CTNNA3: variants seen among roughly 807,000 people sequenced by gnomAD.
CTNNA3 encodes the protein catenin alpha 3, also known as catenin alpha-3.
In CTNNA3, 76 loss-of-function variants were observed where a neutral mutation model predicts 95.7. The observed-to-expected ratio is 0.79, with a 90% CI of 0.66 to 0.96. CTNNA3 has a LOEUF of 0.96. CTNNA3 is among the 40% of genes least tolerant of loss of function. The probability of loss-of-function intolerance (pLI) is 0.00; values close to 1 mark genes in which losing one functional copy is unlikely to be tolerated. For synonymous variants in CTNNA3, 431 were observed against 374.4 expected (o/e 1.15, Z -1.74); for missense variants, 1,191 against 1,089.8 (o/e 1.09, Z -1.31).
chr10:67,213,088 T>G (rs947169467), intron 6 of CTNNA3, among the ~76,000 whole-genome samples: 6 of 151,896 alleles, frequency 4.0e-5, no homozygotes, highest in African/African-American at 1.2e-4. Context: ...TTGCTTTCAG[T>G]AAAAACTGTT....
chr10:65,991,567 G>C (rs564254774), intron 15 of CTNNA3, among the ~76,000 whole-genome samples: 1 of 151,774 alleles, frequency 6.6e-6, no homozygotes, highest in Non-Finnish European at 1.5e-5. Flanking sequence ...TTTCAGACTG[G>C]TGTATAAAAT....
At chr10:66,832,208 T>C (rs1264633916) in intron 7 of CTNNA3, among the ~76,000 whole-genome samples, 8 of 152,248 alleles carry the variant, frequency 5.3e-5, no homozygotes, top group Non-Finnish European at 1.0e-4. Context: ...TCTATAGTTT[T>C]GATGATAAAT....
At chr10:66,971,426 C>CA (rs35802902) in intron 7 of CTNNA3, among the ~76,000 whole-genome samples, 9 of 150,656 alleles carry the variant, frequency 6.0e-5, no homozygotes, top group South Asian at 2.1e-4. Flanking sequence ...GACTCCGTCT[C>CA]AAAAAAAAAA....
At chr10:66,114,382 GTGTGTATATATGTATA>G (rs1383018257) in intron 13 of CTNNA3, among the ~76,000 whole-genome samples, 3 of 151,236 alleles carry the variant, frequency 2.0e-5, no homozygotes, top group East Asian at 1.9e-4. Context: ...GTGTATATAT[GTGTGTATATATGTATA>G]TGTGTATATA....
At chr10:66,404,926 C>A (rs1236659713) in intron 11 of CTNNA3, among the ~76,000 whole-genome samples, 1 of 152,046 alleles carries the variant, frequency 6.6e-6, no homozygotes, top group African/African-American at 2.4e-5. Context: ...GCAGAACATT[C>A]CAAAGAGAGG....
chr10:65,971,749 C>T (rs1159605067), intron 16 of CTNNA3, among the ~76,000 whole-genome samples: 3 of 152,018 alleles, frequency 2.0e-5, no homozygotes, highest in African/African-American at 7.2e-5. Flanking sequence ...AGAGCTGATA[C>T]CAATCCTACT....
intron 11 of CTNNA3, among the ~76,000 whole-genome samples, chr10:66,493,184 T>C (rs1246567155): frequency 1.3e-5 from 2 of 152,186 alleles, no homozygotes; most frequent in Non-Finnish European, 2.9e-5. Context: ...TCAATGGTGA[T>C]ACAATTACAA....
chr10:67,418,183 TATTAAC>T (rs1426650536), intron 5 of CTNNA3, among the ~76,000 whole-genome samples: 2 of 152,172 alleles, frequency 1.3e-5, no homozygotes, highest in African/African-American at 2.4e-5. Flanking sequence ...AAGAGAAAGT[TATTAAC>T]AGTAACATGA....
chr10:67,435,682 A>G (rs1202273720), intron 5 of CTNNA3, among the ~76,000 whole-genome samples: 1 of 152,082 alleles, frequency 6.6e-6, no homozygotes, highest in East Asian at 1.9e-4. Context: ...ACTAACAGCA[A>G]CTAAGCAGAT....
chr10:67,138,498 A>C (rs927158173), intron 7 of CTNNA3, among the ~76,000 whole-genome samples: 6 of 152,184 alleles, frequency 3.9e-5, no homozygotes, highest in African/African-American at 1.2e-4. Flanking sequence ...AATATTTCTT[A>C]ATCAGTTTTA....
At chr10:66,959,670 T>A (rs1373338696) in intron 7 of CTNNA3, among the ~76,000 whole-genome samples, 2 of 152,196 alleles carry the variant, frequency 1.3e-5, no homozygotes, top group Admixed American at 1.3e-4. Flanking sequence ...CCCATTCTAC[T>A]CTCAGTGCAA....
chr10:67,096,912 C>T (rs997148431), intron 7 of CTNNA3, among the ~76,000 whole-genome samples: 1 of 151,836 alleles, frequency 6.6e-6, no homozygotes, highest in African/African-American at 2.4e-5. Flanking sequence ...AAACTACAGA[C>T]ATTAATATTT....
chr10:67,155,530 T>C lies in CTNNA3; in HGVS notation c.1047+24787A>G, dbSNP rs551068136. Among the ~76,000 whole-genome samples, 9 of 21,656 alleles carry C rather than the reference T, an allele frequency of 4.2e-4. No homozygotes were observed. In the African/African-American group the frequency reaches 6.4e-3, roughly 15 times the overall value. 14.2% of individuals were successfully genotyped at this position (21,656 alleles called of 152,430 possible). ...ATGTATATGTGTTTGTATTAATATA[T>C]GTGTGTGTGTGTGTGTGTGTTGTAC... On this transcript the variant is annotated intron_variant, in intron 7 of 17. Transcript: ENST00000433211.
chr10:65,987,733 T>C (rs566840339), intron 16 of CTNNA3, among the ~76,000 whole-genome samples: 1 of 152,246 alleles, frequency 6.6e-6, no homozygotes, highest in Non-Finnish European at 1.5e-5. Flanking sequence ...GCTGCACTCC[T>C]ATGCTTACTG....
intron 9 of CTNNA3, among the ~76,000 whole-genome samples, chr10:66,626,982 A>G (rs1002216488): frequency 8.6e-5 from 13 of 152,018 alleles, no homozygotes; most frequent in African/African-American, 2.9e-4. Context: ...ACACACAGAT[A>G]CATACTAGGA....
chr10:66,596,856 G>T (rs1275442604), intron 10 of CTNNA3, among the ~76,000 whole-genome samples: 2 of 151,960 alleles, frequency 1.3e-5, no homozygotes, highest in South Asian at 4.2e-4. Flanking sequence ...TCTAACAATT[G>T]TCTAACAAAG....
chr10:66,241,010 G>A (rs540290007), intron 13 of CTNNA3, among the ~76,000 whole-genome samples: 7 of 151,596 alleles, frequency 4.6e-5, no homozygotes, highest in Non-Finnish European at 1.0e-4. Flanking sequence ...TGTTTTGCAT[G>A]TAGTGACCCA....
At chr10:66,368,960 A>G (rs952639928) in intron 12 of CTNNA3, among the ~76,000 whole-genome samples, 3 of 152,168 alleles carry the variant, frequency 2.0e-5, no homozygotes, top group African/African-American at 7.2e-5. Context: ...TTTATAATAA[A>G]TGATACTTTT....
At chr10:66,145,365 T>C (rs1381737544) in intron 13 of CTNNA3, among the ~76,000 whole-genome samples, 4 of 152,100 alleles carry the variant, frequency 2.6e-5, no homozygotes, top group Admixed American at 6.6e-5. Context: ...CCTACAGATA[T>C]GGAAGTAGCA....
Sources: gnomAD v4.1 joint callset for allele counts (sites outside exome capture counted in the v4.1 genomes callset) on GRCh38, gnomAD v4.1.1 for gene constraint, MANE v1.5 for transcripts, NCBI Gene and HGNC (gene_info 2026-07-23, HGNC 2026-07-21) for gene names.